The following AOPEP variants were observed in gnomAD, a reference collection of about 807,000 sequenced individuals.
The protein encoded by AOPEP is aminopeptidase O (putative), also known as aminopeptidase O.
AOPEP carries 77 observed loss-of-function variants against 98.1 expected under a neutral mutation model. The observed-to-expected ratio is 0.78, with a 90% CI of 0.65 to 0.95. The LOEUF (loss-of-function observed/expected upper bound fraction) is 0.95, where lower values mean the gene tolerates loss of function less well. Ranked by LOEUF, AOPEP falls within the 40% of genes least tolerant of loss-of-function variation. The pLI is 0.00. For missense variants in AOPEP, 1,024 were observed against 1,024.7 expected, an observed-to-expected ratio of 1.00 and a Z score of 0.01; for synonymous variants, 346 against 365.3, an observed-to-expected ratio of 0.95 and a Z score of 0.60.
At chr9:94,993,683 C>G (rs894561218) in intron 11 of AOPEP, among the ~76,000 whole-genome samples, 1 of 152,108 alleles carries the variant, frequency 6.6e-6, no homozygotes, top group Non-Finnish European at 1.5e-5. Flanking sequence ...CACTGAGAGA[C>G]GTAGATCAGA....
intron 4 of AOPEP, among the ~76,000 whole-genome samples, chr9:94,797,817 C>G (rs1042518946): frequency 1.3e-5 from 2 of 151,788 alleles, no homozygotes; most frequent in Non-Finnish European, 2.9e-5. Flanking sequence ...ATTCTCCTGC[C>G]TCAGTCTCCC....
chr9:95,136,583 C>A, the AOPEP span, among the ~76,000 whole-genome samples: 1 of 152,250 alleles, frequency 6.6e-6, no homozygotes, highest in East Asian at 1.9e-4. Context: ...AACTCCTAGG[C>A]TCATGTGATC....
At chr9:94,765,967 T>C (rs1457574226) in intron 2 of AOPEP, among the ~76,000 whole-genome samples, 1 of 152,214 alleles carries the variant, frequency 6.6e-6, no homozygotes, top group Non-Finnish European at 1.5e-5. Context: ...TACAATGTGC[T>C]TCTTGGAAAA....
intron 5 of AOPEP, among the ~76,000 whole-genome samples, chr9:94,864,631 CATT>C (rs2045498987): frequency 6.6e-6 from 1 of 151,818 alleles, no homozygotes; most frequent in African/African-American, 2.4e-5. Flanking sequence ...ATGTAAAGAC[CATT>C]AAGAAAAGTG....
chr9:95,131,939 G>A, the AOPEP span, among the ~76,000 whole-genome samples: 1 of 152,242 alleles, frequency 6.6e-6, no homozygotes, highest in Non-Finnish European at 1.5e-5. Flanking sequence ...GGAGGATACT[G>A]AGGTATCTAG....
chr9:94,800,685 T>C, intron 4 of AOPEP, 72 bp from the exon 5 acceptor site: 2 of 1,542,226 alleles, frequency 1.3e-6, no homozygotes, highest in Non-Finnish European at 1.8e-6. Flanking sequence ...GTTGTCTACA[T>C]CTGCAAGATT....
chr9:95,077,278 T>G (rs1349896962), intron 14 of AOPEP, among the ~76,000 whole-genome samples: 1 of 152,126 alleles, frequency 6.6e-6, no homozygotes, highest in Non-Finnish European at 1.5e-5. Context: ...CTGCCCCGGC[T>G]CCCAGACAGG....
intron 7 of AOPEP, among the ~76,000 whole-genome samples, chr9:94,951,527 T>C (rs1004027186): frequency 1.3e-5 from 2 of 152,132 alleles, no homozygotes; most frequent in Admixed American, 1.3e-4. Context: ...GAAGAGGGTG[T>C]GATGCATAAT....
At chr9:95,073,921 G>A (rs2068771150) in intron 14 of AOPEP, among the ~76,000 whole-genome samples, 1 of 152,134 alleles carries the variant, frequency 6.6e-6, no homozygotes, top group African/African-American at 2.4e-5. Flanking sequence ...GAAAGTGTTG[G>A]GAAATAACAC....
intron 5 of AOPEP, among the ~76,000 whole-genome samples, chr9:94,909,346 TAAA>T (rs3052031): frequency 1.2e-5 from 1 of 82,032 alleles, no homozygotes; most frequent in Non-Finnish European, 2.3e-5. Context: ...TTTGGAGCCT[TAAA>T]AAAAAAAAAA....
chr9:94,751,336 T>C (rs1430179844), intron 1 of AOPEP, among the ~76,000 whole-genome samples: 1 of 152,182 alleles, frequency 6.6e-6, no homozygotes, highest in Non-Finnish European at 1.5e-5. Flanking sequence ...TGGTACTCCC[T>C]TTCATTTAAG....
intron 11 of AOPEP, among the ~76,000 whole-genome samples, chr9:94,989,397 C>A (rs1476968523): frequency 6.6e-6 from 1 of 151,734 alleles, no homozygotes; most frequent in African/African-American, 2.4e-5. Context: ...CCACCGCGCC[C>A]AGCTAATTTT....
At chr9:95,116,628 C>T in the AOPEP span, among the ~76,000 whole-genome samples, 2 of 152,220 alleles carry the variant, frequency 1.3e-5, no homozygotes, top group Non-Finnish European at 2.9e-5. Flanking sequence ...CATGTCAGGA[C>T]TGCCTTCCAT....
intron 15 of AOPEP, among the ~76,000 whole-genome samples, chr9:95,081,192 G>A (rs993409362): frequency 2.0e-5 from 3 of 152,212 alleles, no homozygotes; most frequent in Non-Finnish European, 2.9e-5. Flanking sequence ...TGCACCTGCC[G>A]TGCTGTGCTA....
chr9:94,888,761 T>C (rs2048529306), intron 5 of AOPEP, among the ~76,000 whole-genome samples: 1 of 152,208 alleles, frequency 6.6e-6, no homozygotes, highest in African/African-American at 2.4e-5. Flanking sequence ...CTTAGTTCTC[T>C]TGGACATGAG....
chr9:94,858,710 T>C (rs2044541910), intron 5 of AOPEP, among the ~76,000 whole-genome samples: 1 of 152,092 alleles, frequency 6.6e-6, no homozygotes, highest in Admixed American at 6.6e-5. Flanking sequence ...GATTAGGTCA[T>C]GAGGGTGGAG....
intron 9 of AOPEP, among the ~76,000 whole-genome samples, chr9:94,957,954 C>T (rs1237474347): frequency 6.6e-6 from 1 of 152,108 alleles, no homozygotes; most frequent in African/African-American, 2.4e-5. Context: ...TTTAAGTTCA[C>T]AGGTCAGTGG....
At chr9:94,828,838 C>T (rs1257738384) in intron 5 of AOPEP, among the ~76,000 whole-genome samples, 1 of 148,402 alleles carries the variant, frequency 6.7e-6, no homozygotes, top group East Asian at 2.0e-4. Context: ...GTATTTCTTA[C>T]ATAATTTCTC....
chr9:95,084,847 C>T (rs1340542372), intron 16 of AOPEP, among the ~76,000 whole-genome samples: 1 of 152,186 alleles, frequency 6.6e-6, no homozygotes, highest in Non-Finnish European at 1.5e-5. Context: ...GCAGGGGGAC[C>T]TCCTGACTTG....
Sources: gnomAD v4.1 joint callset for allele counts (sites outside exome capture counted in the v4.1 genomes callset) on GRCh38, gnomAD v4.1.1 for gene constraint, MANE v1.5 for transcripts, NCBI Gene and HGNC (gene_info 2026-07-23, HGNC 2026-07-21) for gene names.